The following CRY1 variants were observed in gnomAD, a reference collection of about 807,000 sequenced individuals.
The protein encoded by CRY1 is cryptochrome-1.
CRY1 carries 45 observed loss-of-function variants against 76.0 expected under a neutral mutation model. That is an observed-to-expected ratio of 0.59 (90% CI 0.47 to 0.76). The LOEUF (loss-of-function observed/expected upper bound fraction) is 0.76. CRY1 is among the 30% of genes least tolerant of loss of function. CRY1 has a pLI of 0.00. For synonymous variants in CRY1, 248 were observed against 244.0 expected, an observed-to-expected ratio of 1.02 and a Z score of -0.15; for missense variants, 587 against 716.4, an observed-to-expected ratio of 0.82 and a Z score of 2.06.
chr12:106,995,216 A>G (rs1430500292), intron 10 of CRY1, among the ~76,000 whole-genome samples: 1 of 152,222 alleles, frequency 6.6e-6, no homozygotes, highest in African/African-American at 2.4e-5. Context: ...ACTGTGAGAA[A>G]GTATGCAAAA....
intron 1 of CRY1, among the ~76,000 whole-genome samples, chr12:107,080,155 T>C (rs1401477005): frequency 6.6e-6 from 1 of 152,116 alleles, no homozygotes; most frequent in East Asian, 1.9e-4. Context: ...AATTAGCAAG[T>C]AATTGGCACA....
chr12:107,018,649 A>T (rs919341510), intron 2 of CRY1, among the ~76,000 whole-genome samples: 4 of 152,082 alleles, frequency 2.6e-5, no homozygotes, highest in Admixed American at 6.5e-5. Context: ...GAATGTTTTT[A>T]AAAAATCTAG....
chr12:107,006,787 G>C (rs904630662), intron 2 of CRY1, among the ~76,000 whole-genome samples: 2 of 151,960 alleles, frequency 1.3e-5, no homozygotes, highest in Non-Finnish European at 2.9e-5. Context: ...GAGTAGCTGG[G>C]ATTAAAGGCA....
At chr12:107,004,185 G>C (rs1284468044) in intron 3 of CRY1, among the ~76,000 whole-genome samples, 1 of 152,034 alleles carries the variant, frequency 6.6e-6, no homozygotes, top group African/African-American at 2.4e-5. Context: ...CTTGCTATGA[G>C]CTCCTTAAAG....
intron 2 of CRY1, among the ~76,000 whole-genome samples, chr12:107,019,183 G>C (rs1431540617): frequency 1.3e-5 from 2 of 151,910 alleles, no homozygotes; most frequent in Non-Finnish European, 2.9e-5. Flanking sequence ...GAAGGTGGGG[G>C]ACAACATGCT....
intron 1 of CRY1, among the ~76,000 whole-genome samples, chr12:107,042,108 G>C (rs749220917): frequency 6.6e-6 from 1 of 152,178 alleles, no homozygotes; most frequent in African/African-American, 2.4e-5. Flanking sequence ...ATATACTCAT[G>C]AGTCTGTACT....
chr12:107,045,897 C>T (rs1327960097), intron 1 of CRY1, among the ~76,000 whole-genome samples: 2 of 152,104 alleles, frequency 1.3e-5, no homozygotes, highest in Non-Finnish European at 2.9e-5. Context: ...CAACATGGCA[C>T]ATGTATACAT....
intron 1 of CRY1, among the ~76,000 whole-genome samples, chr12:107,051,351 C>A (rs1465626368): frequency 6.6e-6 from 1 of 151,976 alleles, no homozygotes; most frequent in East Asian, 1.9e-4. Context: ...GCTTTTATGT[C>A]CTTTTTATGG....
chr12:107,042,177 A>T (rs948511787), intron 1 of CRY1, among the ~76,000 whole-genome samples: 3 of 152,248 alleles, frequency 2.0e-5, no homozygotes, highest in African/African-American at 7.2e-5. Flanking sequence ...ACTCTTCATT[A>T]CAGAAGAATT....
intron 1 of CRY1, chr12:107,073,041 T>C (rs1259804954): frequency 1.3e-5 from 2 of 152,088 alleles, no homozygotes; most frequent in Non-Finnish European, 2.9e-5. Flanking sequence ...GTAACCTCAG[T>C]GTCAATGTAA....
At chr12:107,059,563 G>C (rs1953024946) in intron 1 of CRY1, among the ~76,000 whole-genome samples, 1 of 151,546 alleles carries the variant, frequency 6.6e-6, no homozygotes, top group Non-Finnish European at 1.5e-5. Context: ...ATGAATACAG[G>C]TTTGAAAAAA....
chr12:107,050,007 T>C (rs1356906417), intron 1 of CRY1: 3 of 152,032 alleles, frequency 2.0e-5, no homozygotes, highest in Non-Finnish European at 4.4e-5. Flanking sequence ...GAAGAACAGT[T>C]GGAAGGAAGA....
intron 3 of CRY1, among the ~76,000 whole-genome samples, chr12:107,003,942 A>G (rs550719760): frequency 6.6e-6 from 1 of 150,680 alleles, no homozygotes; most frequent in Non-Finnish European, 1.5e-5. Context: ...AAGTAGCTGG[A>G]TTACAGGCAC....
intron 1 of CRY1, among the ~76,000 whole-genome samples, chr12:107,043,904 C>G (rs1952824794): frequency 6.6e-6 from 1 of 152,114 alleles, no homozygotes; most frequent in Non-Finnish European, 1.5e-5. Flanking sequence ...TAAACTGCAG[C>G]TGAATTTTGC....
At chr12:107,075,711 T>G (rs1458318728) in intron 1 of CRY1, among the ~76,000 whole-genome samples, 3 of 152,020 alleles carry the variant, frequency 2.0e-5, no homozygotes, top group Admixed American at 6.6e-5. Flanking sequence ...GAATTCCACA[T>G]GGAACAGATG....
intron 1 of CRY1, among the ~76,000 whole-genome samples, chr12:107,034,609 C>A (rs12297462): frequency 0.044 from 6,649 of 152,156 alleles, 275 homozygotes; most frequent in African/African-American, 0.11. Flanking sequence ...CCAATGAATT[C>A]GGTTGCTCAA....
intron 2 of CRY1, among the ~76,000 whole-genome samples, chr12:107,012,512 A>G (rs1952456657): frequency 6.6e-6 from 1 of 152,252 alleles, no homozygotes; most frequent in African/African-American, 2.4e-5. Flanking sequence ...TTTGTCATCC[A>G]AAAGTTCCAA....
intron 8 of CRY1, 111 bp downstream of exon 8, chr12:106,997,804 C>T: frequency 6.5e-7 from 1 of 1,529,010 alleles, no homozygotes; most frequent in Non-Finnish European, 8.9e-7. Flanking sequence ...GTTTACCCTT[C>T]TCATCTCTGC....
intron 1 of CRY1, among the ~76,000 whole-genome samples, chr12:107,031,875 AC>A (rs1252951511): frequency 2.0e-5 from 3 of 152,248 alleles, no homozygotes; most frequent in Non-Finnish European, 4.4e-5. Flanking sequence ...GAAAAGAAAA[AC>A]TTAGTGGAAA....
Sources: gnomAD v4.1 joint callset for allele counts (sites outside exome capture counted in the v4.1 genomes callset) on GRCh38, gnomAD v4.1.1 for gene constraint, MANE v1.5 for transcripts, NCBI Gene and HGNC (gene_info 2026-07-23, HGNC 2026-07-21) for gene names.